Variants in GALNT13 observed in about 807,000 individuals in gnomAD.
GALNT13 encodes the protein UDP-GalNAc:polypeptide N-acetylgalactosaminyltransferase 13.
Under a neutral mutation model 64.2 loss-of-function variants are expected in GALNT13, and 28 were observed. The observed-to-expected ratio is 0.44, with a 90% CI of 0.32 to 0.60. The LOEUF is 0.60. Among genes scored for constraint, GALNT13 ranks in the 20% least tolerant of loss-of-function variants. The pLI, the probability that GALNT13 is intolerant of heterozygous loss-of-function variation, is 0.05. For missense variants in GALNT13, 577 were observed against 669.8 expected (o/e 0.86, Z 1.53); for synonymous variants, 214 against 224.6 (o/e 0.95, Z 0.42).
the GALNT13 span, among the ~76,000 whole-genome samples, chr2:153,822,092 TA>T: frequency 1.3e-5 from 2 of 151,846 alleles, no homozygotes; most frequent in East Asian, 1.9e-4. Context: ...AGTAACAAAA[TA>T]AAACAACCAG....
the GALNT13 span, among the ~76,000 whole-genome samples, chr2:153,414,726 A>G: frequency 6.6e-6 from 1 of 152,188 alleles, no homozygotes; most frequent in Non-Finnish European, 1.5e-5. Context: ...ACAGCTTAAA[A>G]AAATACTCTT....
the GALNT13 span, among the ~76,000 whole-genome samples, chr2:153,073,937 T>C: frequency 2.6e-5 from 4 of 152,310 alleles, no homozygotes; most frequent in East Asian, 3.9e-4. Context: ...GTGTGGACTT[T>C]ACTGATTTCA....
intron 8 of GALNT13, among the ~76,000 whole-genome samples, chr2:154,280,158 G>A (rs1691885097): frequency 6.6e-6 from 1 of 152,154 alleles, no homozygotes; most frequent in Non-Finnish European, 1.5e-5. Context: ...GTGGGGGTGA[G>A]AAACTCTCAA....
At chr2:154,208,806 A>G (rs537793751) in intron 4 of GALNT13, among the ~76,000 whole-genome samples, 1 of 152,238 alleles carries the variant, frequency 6.6e-6, no homozygotes, top group South Asian at 2.1e-4. Flanking sequence ...AATCTCTGAA[A>G]GTATATATAT....
the GALNT13 span, among the ~76,000 whole-genome samples, chr2:153,725,994 TAAC>T: frequency 2.0e-5 from 3 of 152,250 alleles, no homozygotes; most frequent in Admixed American, 6.5e-5. Flanking sequence ...CTTTCTTCTT[TAAC>T]AACAATATTT....
chr2:153,137,797 G>T, the GALNT13 span, among the ~76,000 whole-genome samples: 1 of 151,322 alleles, frequency 6.6e-6, no homozygotes, highest in Non-Finnish European at 1.5e-5. Flanking sequence ...ATCTGGGTTT[G>T]CACTAAAAGC....
intron 2 of GALNT13, among the ~76,000 whole-genome samples, chr2:153,938,673 A>G (rs1419383974): frequency 2.0e-5 from 3 of 152,156 alleles, no homozygotes; most frequent in African/African-American, 7.2e-5. Context: ...AGATGTCAGC[A>G]GTGTTGATTT....
the GALNT13 span, among the ~76,000 whole-genome samples, chr2:153,408,076 C>A: frequency 6.6e-6 from 1 of 152,320 alleles, no homozygotes; most frequent in Admixed American, 6.5e-5. Flanking sequence ...AATTTCCCTT[C>A]GCTCCTAATG....
intron 1 of GALNT13, among the ~76,000 whole-genome samples, chr2:153,898,411 C>A (rs1688019605): frequency 6.6e-6 from 1 of 152,038 alleles, no homozygotes; most frequent in Non-Finnish European, 1.5e-5. Flanking sequence ...ATTGTTTAAC[C>A]AAAATTTATG....
At chr2:153,333,027 G>A in the GALNT13 span, among the ~76,000 whole-genome samples, 4 of 152,146 alleles carry the variant, frequency 2.6e-5, no homozygotes, top group Non-Finnish European at 1.5e-5. Context: ...GTGCTAAGAC[G>A]CTTTCCACAG....
At chr2:153,800,214 A>G in the GALNT13 span, among the ~76,000 whole-genome samples, 5 of 152,088 alleles carry the variant, frequency 3.3e-5, no homozygotes, top group Non-Finnish European at 5.9e-5. Flanking sequence ...CTTTCTTAGT[A>G]CATATGAAAA....
chr2:154,410,901 T>A (rs936130948), intron 11 of GALNT13, among the ~76,000 whole-genome samples: 2 of 151,958 alleles, frequency 1.3e-5, no homozygotes, highest in Non-Finnish European at 2.9e-5. Flanking sequence ...TAAAAATTAC[T>A]TTATTCATCT....
At chr2:154,195,959 A>C in intron 4 of GALNT13, among the ~76,000 whole-genome samples, 1 of 152,180 alleles carries the variant, frequency 6.6e-6, no homozygotes, top group African/African-American at 2.4e-5. Context: ...GACCCACCCA[A>C]GCTAGAAACA....
At chr2:153,952,428 T>C (rs1202016524) in intron 3 of GALNT13, among the ~76,000 whole-genome samples, 1 of 152,166 alleles carries the variant, frequency 6.6e-6, no homozygotes, top group African/African-American at 2.4e-5. Flanking sequence ...GTTTCTAGCT[T>C]TAAGAAAATA....
the GALNT13 span, among the ~76,000 whole-genome samples, chr2:153,370,161 G>A: frequency 6.6e-6 from 1 of 152,062 alleles, no homozygotes; most frequent in African/African-American, 2.4e-5. Flanking sequence ...GATAACCTGA[G>A]TAATTGTATA....
At chr2:153,700,380 A>G in the GALNT13 span, among the ~76,000 whole-genome samples, 1,560 of 152,362 alleles carry the variant, frequency 0.01, 56 homozygotes, top group East Asian at 0.12. Context: ...CCCACAGCCA[A>G]TATCATACTG....
intron 3 of GALNT13, among the ~76,000 whole-genome samples, chr2:153,986,577 T>C (rs1490267523): frequency 6.6e-6 from 1 of 151,942 alleles, no homozygotes; most frequent in African/African-American, 2.4e-5. Context: ...TAGTTATTTT[T>C]TAATCCCCTG....
In GALNT13 at chr2:154,230,041, A is replaced by T. The variant is rs1412875750; in HGVS notation, c.312-11989A>T. Among the ~76,000 whole-genome samples the T allele has an allele frequency of 1.3e-5, 2 of 152,212 alleles. 1 individual carries two copies. Among genetic ancestry groups the T allele is most frequent in the South Asian group, 4.1e-4 (2 of 4,830 alleles). ...TAATTTAAGGGCTTGTTGATTCATG[A>T]TGTCAGCATCACCATTGTAATGTCA... On this transcript the variant is annotated intron_variant, in intron 4 of 12. Transcript: ENST00000392825.
At chr2:154,325,493 A>G (rs1265238651) in intron 9 of GALNT13, among the ~76,000 whole-genome samples, 1 of 152,128 alleles carries the variant, frequency 6.6e-6, no homozygotes, top group African/African-American at 2.4e-5. Context: ...CTGGGGTACT[A>G]CAATCTCGGA....
Sources: allele counts gnomAD v4.1 joint callset (sites outside exome capture counted in the v4.1 genomes callset), GRCh38; gene constraint gnomAD v4.1.1; transcripts MANE v1.5; gene names NCBI Gene and HGNC (gene_info 2026-07-23, HGNC 2026-07-21).